Variants in EDC3 observed in about 807,000 individuals in gnomAD.
The protein encoded by EDC3 is enhancer of mRNA-decapping protein 3.
Under a neutral mutation model 41.8 loss-of-function variants are expected in EDC3, and 20 were observed. The ratio of observed to expected loss-of-function variants is 0.48; its 90% CI spans 0.34 to 0.70. The LOEUF is 0.70. Ranked by LOEUF, EDC3 falls within the 30% of genes least tolerant of loss-of-function variation. The pLI, the probability that EDC3 is intolerant of heterozygous loss-of-function variation, is 0.01. For missense variants in EDC3, 444 were observed against 636.8 expected (o/e 0.70, Z 3.26); for synonymous variants, 206 against 243.2 (o/e 0.85, Z 1.42).
intron 1 of EDC3, among the ~76,000 whole-genome samples, chr15:74,691,759 A>G (rs1290001451): frequency 6.6e-6 from 1 of 152,168 alleles, no homozygotes; most frequent in Non-Finnish European, 1.5e-5. Context: ...CTACCAATAA[A>G]GTTTTATTGG....
rs1237938534 is a variant in EDC3 at position 74,671,389 on chromosome 15, C to T, written c.484+66G>A. ...AACAAAGGATTTGTTTAAAGAGCAG[C>T]AGTGCTTATGGCTTATAGCCCTGAA... On this transcript the variant is annotated intron_variant, in intron 3 of 6. Coordinates refer to ENST00000315127, the MANE Select transcript of EDC3 (RefSeq NM_025083.5). The surrounding 1 kb of genome is among the most constrained non-coding windows in gnomAD (Gnocchi z 4.6). 1 of 1,493,178 alleles carries T rather than the reference C, an allele frequency of 6.7e-7. No individual in the cohort carries two copies. The highest frequency in any genetic ancestry group is 9.1e-7 in the Non-Finnish European group (1 of 1,096,844). 92.5% of individuals were successfully genotyped at this position (1,493,178 alleles called of 1,614,324 possible).
chr15:74,643,542 G>C (rs965213488), intron 4 of EDC3: 1 of 152,250 alleles, frequency 6.6e-6, no homozygotes, highest in Non-Finnish European at 1.5e-5. Context: ...CTGTCTCTTC[G>C]GACCATGGGA....
chr15:74,632,892 T>G lies in EDC3; in HGVS notation c.1247A>C (p.Asn416Thr), dbSNP rs368247768. 2 of 1,614,182 alleles carry G rather than the reference T, an allele frequency of 1.2e-6. No homozygotes were observed. The highest frequency in any genetic ancestry group is 2.7e-5 in the African/African-American group (2 of 75,038). ...CCAGGGTTGATCGCGCAGGAAGACG[T>G]TCTCAGGGCAATCCAGGCAGTTGAT... ...LVINCLDCPE[N>T]VFLRDQPWYK... is the part of the protein sequence containing the mutation. The change falls in exon 7 of 7, where the codon AAC becomes ACC. Residue 416 changes from asparagine (N) to threonine (T), a missense_variant. By Grantham distance (65) the Asn-to-Thr change is moderately conservative. This residue lies in a region of EDC3 where 242 missense variants were observed against 363.8 expected (regional missense o/e 0.67). Transcript: ENST00000315127. The surrounding 1 kb of genome is among the most constrained non-coding windows in gnomAD (Gnocchi z 4.0).
chr15:74,670,288 C>T (rs1478848917), intron 3 of EDC3, among the ~76,000 whole-genome samples: 2 of 152,084 alleles, frequency 1.3e-5, no homozygotes, highest in Admixed American at 6.6e-5. Context: ...AGGAGCATAA[C>T]AGATTCCAGT....
intron 1 of EDC3, among the ~76,000 whole-genome samples, chr15:74,691,558 G>C (rs1178533198): frequency 6.6e-6 from 1 of 152,090 alleles, no homozygotes; most frequent in Admixed American, 6.5e-5. Context: ...TCAAGTCCTG[G>C]TCTTTACACT....
intron 1 of EDC3, among the ~76,000 whole-genome samples, chr15:74,682,390 G>A (rs995263071): frequency 3.1e-4 from 46 of 150,806 alleles, no homozygotes; most frequent in Admixed American, 5.3e-4. Context: ...AGGCCAAGGC[G>A]GGTGGATCAC....
chr15:74,635,211 CT>C, intron 6 of EDC3, 197 bp downstream of exon 6: 1 of 703,590 alleles, frequency 1.4e-6, no homozygotes, highest in East Asian at 2.7e-5. Flanking sequence ...GTCCCCAGCT[CT>C]TCATGTGAGT....
intron 3 of EDC3, among the ~76,000 whole-genome samples, chr15:74,663,132 C>G (rs1567169274): frequency 6.6e-6 from 1 of 151,856 alleles, no homozygotes; most frequent in Non-Finnish European, 1.5e-5. Context: ...GCTAAAAATA[C>G]AAAAATTAGC....
Position 74,656,013 on chromosome 15 carries a change from C to A in EDC3, c.540G>T (p.Lys180Asn), listed in dbSNP as rs776173074. ...CATCTTTATTCTTCATCTGGCCATT[C>A]TTTAAACCACTTTTCTTGGGAGTTG... Reference protein sequence around the residue: ...NQATPKKSGLKNGQMKNKDDE... With the variant: ...NQATPKKSGLNNGQMKNKDDE... The change falls in exon 4 of 7, where the codon AAG (lysine) becomes AAT (asparagine). Residue 180 changes from lysine (K) to asparagine (N), a missense_variant. This residue lies in a region of EDC3 where 200 missense variants were observed against 244.0 expected (regional missense o/e 0.82). Transcript: ENST00000315127. 1 of 1,613,606 alleles carries A rather than the reference C, an allele frequency of 6.2e-7. No homozygotes were observed. The highest frequency in any genetic ancestry group is 8.5e-7 in the Non-Finnish European group (1 of 1,179,872).
intron 1 of EDC3, among the ~76,000 whole-genome samples, chr15:74,689,226 T>C (rs924588427): frequency 6.6e-6 from 1 of 152,224 alleles, no homozygotes; most frequent in Non-Finnish European, 1.5e-5. Flanking sequence ...CATTTTGTAT[T>C]ACCATCTACA....
At chr15:74,646,041 CT>C (rs1204390783) in intron 4 of EDC3, among the ~76,000 whole-genome samples, 1 of 147,892 alleles carries the variant, frequency 6.8e-6, no homozygotes, top group East Asian at 2.0e-4. Flanking sequence ...CGTTCCCAGT[CT>C]TTTTGTTGTT....
chr15:74,691,185 T>C (rs1384258532), intron 1 of EDC3, among the ~76,000 whole-genome samples: 1 of 151,510 alleles, frequency 6.6e-6, no homozygotes, highest in Non-Finnish European at 1.5e-5. Context: ...CAGCCCCTGG[T>C]TCACTTCTGA....
intron 3 of EDC3, among the ~76,000 whole-genome samples, chr15:74,665,045 T>C (rs2062662027): frequency 6.6e-6 from 1 of 152,212 alleles, no homozygotes; most frequent in Admixed American, 6.5e-5. Flanking sequence ...TGTTTTGAGA[T>C]GCAGTTTCAC....
At chr15:74,691,720 A>G (rs2063009466) in intron 1 of EDC3, among the ~76,000 whole-genome samples, 1 of 152,202 alleles carries the variant, frequency 6.6e-6, no homozygotes, top group Admixed American at 6.5e-5. Context: ...TGGGTAGGAA[A>G]ACTACAGCCC....
chr15:74,675,467 CAA>C (rs1306366522), intron 1 of EDC3, among the ~76,000 whole-genome samples: 1 of 150,422 alleles, frequency 6.6e-6, no homozygotes, highest in Non-Finnish European at 1.5e-5. Flanking sequence ...AAAATGTTTT[CAA>C]AGAGAGTATG....
At chr15:74,682,637 A>C (rs1035036285) in intron 1 of EDC3, among the ~76,000 whole-genome samples, 12 of 148,592 alleles carry the variant, frequency 8.1e-5, no homozygotes, top group African/African-American at 2.5e-4. Context: ...AAAAAAAAAA[A>C]CCAAAAAACT....
chr15:74,639,949 C>A, intron 5 of EDC3: 1 of 153,750 alleles, frequency 6.5e-6, no homozygotes, highest in Non-Finnish European at 1.4e-5. Flanking sequence ...CTTCGTGTCC[C>A]CGGTGTCTAG....
At chr15:74,670,939 AG>A (rs2141648410) in intron 3 of EDC3, among the ~76,000 whole-genome samples, 1 of 152,356 alleles carries the variant, frequency 6.6e-6, no homozygotes, top group East Asian at 1.9e-4. Context: ...CTCAAATCAC[AG>A]GAAGAAAAGT....
At chr15:74,653,896 G>A (rs2062511454) in intron 4 of EDC3, among the ~76,000 whole-genome samples, 3 of 152,056 alleles carry the variant, frequency 2.0e-5, no homozygotes, top group African/African-American at 7.2e-5. Context: ...GATTCTCACT[G>A]TTATTCTCAC....
Sources: allele counts gnomAD v4.1 joint callset (sites outside exome capture counted in the v4.1 genomes callset), GRCh38; gene constraint gnomAD v4.1.1; regional missense constraint gnomAD v4.1.1; non-coding constraint Gnocchi (gnomAD v3.1); transcripts MANE v1.5; gene names NCBI Gene and HGNC (gene_info 2026-07-23, HGNC 2026-07-21).